STK33: variants seen among roughly 807,000 people sequenced by gnomAD.
The protein encoded by STK33 is serine/threonine-protein kinase 33.
STK33 carries 52 observed loss-of-function variants against 58.0 expected under a neutral mutation model. The observed-to-expected ratio is 0.90, with a 90% CI of 0.72 to 1.13. The LOEUF is 1.13. Ranked by LOEUF, STK33 falls within the 50% of genes most tolerant of loss-of-function variation. The pLI is 0.00. For synonymous variants in STK33, 215 were observed against 200.1 expected (o/e 1.07, Z -0.63); for missense variants, 630 against 604.2 (o/e 1.04, Z -0.45).
intron 1 of STK33, among the ~76,000 whole-genome samples, chr11:8,534,564 C>CTG (rs1308409632): frequency 2.4e-3 from 288 of 118,454 alleles, no homozygotes; most frequent in African/African-American, 4.8e-3. Flanking sequence ...CTCTCTCTCT[C>CTG]TCTCTGTGTG....
rs146463570 is a variant in STK33, at chr11:8,447,224, C to T, written c.871+5598G>A. Among the ~76,000 whole-genome samples, 815 of 152,272 alleles carry T rather than the reference C, an allele frequency of 5.4e-3. 8 individuals are homozygous for T. The highest frequency in any genetic ancestry group is 0.019 in the African/African-American group (786 of 41,550). On this transcript the variant is annotated intron_variant, in intron 11 of 15. Transcript: ENST00000687296. The stretch of plus-strand genomic sequence containing the variant: ...CCAGAGGTACAAGGAGGAGCTGGTA[C>T]CATTCCTTCTGAAACTATTTCAATC...
chr11:8,421,062 T>G (rs1444630117), intron 14 of STK33, among the ~76,000 whole-genome samples: 1 of 152,126 alleles, frequency 6.6e-6, no homozygotes, highest in Non-Finnish European at 1.5e-5. Context: ...TTTTGCTTAT[T>G]TCCAGTACAA....
At position 8,453,878 on chromosome 11, in the gene STK33, T is replaced by G. The variant is rs370718331; in HGVS notation, c.786+866A>C. On this transcript the variant is annotated intron_variant, in intron 10 of 15. Transcript: ENST00000687296. Reference sequence around the variant, plus strand: ...ACTTGGAGCATATGATACCTATCTTTCTTTACAGAAAATCCATTCAGACAC... The same window carrying G: ...ACTTGGAGCATATGATACCTATCTTGCTTTACAGAAAATCCATTCAGACAC... 5.0e-4 allele frequency among the ~76,000 whole-genome samples: 76 copies of G among 152,338 alleles called. 1 individual carries two copies. The highest frequency in any genetic ancestry group is 1.8e-3 in the African/African-American group (73 of 41,576).
chr11:8,516,514 C>T (rs562495881), intron 1 of STK33, among the ~76,000 whole-genome samples: 236 of 152,134 alleles, frequency 1.6e-3, no homozygotes, highest in African/African-American at 5.1e-3. Context: ...GAGGGTGCAG[C>T]CCACGGAGCA....
At chr11:8,397,257 G>C (rs1255084022) in intron 15 of STK33, among the ~76,000 whole-genome samples, 2 of 152,198 alleles carry the variant, frequency 1.3e-5, no homozygotes, top group African/African-American at 4.8e-5. Flanking sequence ...ACTCCTCGGA[G>C]ACAAAACTTC....
the STK33 span, among the ~76,000 whole-genome samples, chr11:8,358,044 T>C: frequency 6.6e-6 from 1 of 152,200 alleles, no homozygotes; most frequent in Non-Finnish European, 1.5e-5. Context: ...TCACTCAGCC[T>C]CTTTTCCTAG....
intron 1 of STK33, among the ~76,000 whole-genome samples, chr11:8,488,677 T>C (rs1200829492): frequency 6.6e-6 from 1 of 150,908 alleles, no homozygotes; most frequent in East Asian, 2.0e-4. Context: ...TTCAGACAAG[T>C]AGTTCAGAAA....
the STK33 span, among the ~76,000 whole-genome samples, chr11:8,353,054 T>G: frequency 7.2e-5 from 11 of 152,208 alleles, no homozygotes; most frequent in African/African-American, 2.7e-4. Context: ...CTCAGCAGGG[T>G]CTTTCACTCC....
intron 15 of STK33, among the ~76,000 whole-genome samples, chr11:8,394,057 T>G (rs1182114981): frequency 6.6e-6 from 1 of 152,246 alleles, no homozygotes; most frequent in African/African-American, 2.4e-5. Flanking sequence ...TCTATAAAAT[T>G]TGAAATGTAA....
chr11:8,521,535 C>G (rs1418263744), intron 1 of STK33, among the ~76,000 whole-genome samples: 4 of 152,162 alleles, frequency 2.6e-5, no homozygotes, highest in Non-Finnish European at 5.9e-5. Flanking sequence ...AGAAGAAAAC[C>G]TAGCCAATAC....
chr11:8,375,205 T>A, the STK33 span, among the ~76,000 whole-genome samples: 3 of 152,264 alleles, frequency 2.0e-5, no homozygotes, highest in Non-Finnish European at 2.9e-5. Context: ...TTTAGCTTCA[T>A]CATTATCAAT....
chr11:8,542,634 G>C (rs1955608554), intron 1 of STK33, among the ~76,000 whole-genome samples: 1 of 152,210 alleles, frequency 6.6e-6, no homozygotes, highest in African/African-American at 2.4e-5. Flanking sequence ...TGACCTAAAA[G>C]AATGCCAAGC....
chr11:8,481,449 C>T (rs7943241), intron 1 of STK33, among the ~76,000 whole-genome samples: 15,313 of 152,246 alleles, frequency 0.1, 1,856 homozygotes, highest in African/African-American at 0.3. Context: ...GGATTATTGA[C>T]TGAAAGTCAT....
At chr11:8,377,133 A>T in the STK33 span, among the ~76,000 whole-genome samples, 1 of 152,114 alleles carries the variant, frequency 6.6e-6, no homozygotes, top group Non-Finnish European at 1.5e-5. Context: ...TTTTCCTTCA[A>T]CCAAGACACA....
chr11:8,466,469 C>T (rs568767260), intron 6 of STK33: 5 of 152,300 alleles, frequency 3.3e-5, no homozygotes, highest in African/African-American at 9.6e-5. Context: ...CCAAAATGAC[C>T]TCCTTTGACT....
At chr11:8,496,108 T>C (rs529540727) in intron 1 of STK33, among the ~76,000 whole-genome samples, 1 of 152,048 alleles carries the variant, frequency 6.6e-6, no homozygotes, top group Admixed American at 6.6e-5. Context: ...AAAAAATTTT[T>C]TTTGAAAAAG....
At chr11:8,592,736 C>T (rs1448508329) in intron 1 of STK33, among the ~76,000 whole-genome samples, 1 of 152,086 alleles carries the variant, frequency 6.6e-6, no homozygotes, top group Non-Finnish European at 1.5e-5. Context: ...TACATGGTCA[C>T]CCAACTTTTT....
chr11:8,512,330 T>C (rs1204903772), intron 1 of STK33, among the ~76,000 whole-genome samples: 1 of 104,162 alleles, frequency 9.6e-6, no homozygotes, highest in African/African-American at 4.2e-5. Flanking sequence ...AGAGGGTAGA[T>C]ATACAAAAAA....
intron 1 of STK33, among the ~76,000 whole-genome samples, chr11:8,532,845 A>G (rs1328002107): frequency 6.6e-6 from 1 of 152,254 alleles, no homozygotes; most frequent in Non-Finnish European, 1.5e-5. Flanking sequence ...GCAACAAAAT[A>G]TGAATGTAAT....
Sources: gnomAD v4.1 joint callset for allele counts (sites outside exome capture counted in the v4.1 genomes callset) on GRCh38, gnomAD v4.1.1 for gene constraint, MANE v1.5 for transcripts, NCBI Gene and HGNC (gene_info 2026-07-23, HGNC 2026-07-21) for gene names.